Variants in VKORC1L1 observed in about 807,000 individuals in gnomAD.
VKORC1L1 encodes vitamin K epoxide reductase complex subunit 1L1.
VKORC1L1 carries 2 observed loss-of-function variants against 18.9 expected under a neutral mutation model. The observed-to-expected ratio is 0.11, with a 90% confidence interval of 0.04 to 0.33. The LOEUF is 0.33. Among genes scored for constraint, VKORC1L1 ranks in the 10% least tolerant of loss-of-function variants. The pLI, the probability that VKORC1L1 is intolerant of heterozygous loss-of-function variation, is 1.00. For missense variants in VKORC1L1, 123 were observed against 224.1 expected (o/e 0.55, Z 2.88); for synonymous variants, 96 against 100.0 (o/e 0.96, Z 0.24).
intron 1 of VKORC1L1, among the ~76,000 whole-genome samples, chr7:65,892,328 G>T (rs1789122346): frequency 6.6e-6 from 1 of 152,146 alleles, no homozygotes; most frequent in Non-Finnish European, 1.5e-5. Flanking sequence ...TGGATCACAC[G>T]GTAGTTCTAT....
intron 1 of VKORC1L1, among the ~76,000 whole-genome samples, chr7:65,944,103 A>G (rs6965414): frequency 0.014 from 2,172 of 152,140 alleles, 23 homozygotes; most frequent in Non-Finnish European, 0.023. Flanking sequence ...GTGTGGTGGA[A>G]CATGCCTGTG....
intron 1 of VKORC1L1, among the ~76,000 whole-genome samples, chr7:65,904,068 TAAAG>T (rs1165248341): frequency 3.3e-5 from 5 of 152,140 alleles, no homozygotes; most frequent in Non-Finnish European, 5.9e-5. Flanking sequence ...CATTGTGAAT[TAAAG>T]AAATAGTAGC....
chr7:65,920,695 CTT>C (rs1166638297), intron 1 of VKORC1L1, among the ~76,000 whole-genome samples: 2 of 151,890 alleles, frequency 1.3e-5, no homozygotes, highest in Non-Finnish European at 2.9e-5. Flanking sequence ...GTTTTTCTCT[CTT>C]TTAAAAATTA....
At chr7:65,892,585 A>G (rs1380991059) in intron 1 of VKORC1L1, among the ~76,000 whole-genome samples, 4 of 152,164 alleles carry the variant, frequency 2.6e-5, no homozygotes, top group Admixed American at 1.3e-4. Context: ...TGGTGTGAAG[A>G]TAATCTACAT....
At chr7:65,929,682 G>GTGTATA (rs370107880) in intron 1 of VKORC1L1, among the ~76,000 whole-genome samples, 27 of 128,632 alleles carry the variant, frequency 2.1e-4, no homozygotes, top group Non-Finnish European at 3.4e-4. Flanking sequence ...GTGTGTGTGT[G>GTGTATA]TATATATATA....
At chr7:65,870,992 C>T (rs184700943), upstream of VKORC1L1, among the ~76,000 whole-genome samples, 132 of 152,234 alleles carry the variant, frequency 8.7e-4, no homozygotes, top group African/African-American at 2.9e-3. Flanking sequence ...CCCTATGTTG[C>T]TCAGGCTGGT....
chr7:65,901,322 C>T (rs1449278454), intron 1 of VKORC1L1, among the ~76,000 whole-genome samples: 7 of 152,114 alleles, frequency 4.6e-5, no homozygotes, highest in African/African-American at 1.7e-4. Flanking sequence ...TGAGCCAATG[C>T]ACTCCAGCCT....
At chr7:65,869,353 GCA>G (rs755188502), upstream of VKORC1L1, among the ~76,000 whole-genome samples, 26 of 152,144 alleles carry the variant, frequency 1.7e-4, no homozygotes, top group Admixed American at 3.3e-4. Context: ...TGTAAAAAAA[GCA>G]CACGGGATGG....
intron 1 of VKORC1L1, among the ~76,000 whole-genome samples, chr7:65,890,738 C>A (rs571674311): frequency 6.6e-6 from 1 of 152,338 alleles, no homozygotes; most frequent in East Asian, 1.9e-4. Context: ...TCCTGTTTAT[C>A]CACCTCTTTG....
chr7:65,886,888 C>T (rs367567001), intron 1 of VKORC1L1, among the ~76,000 whole-genome samples: 11 of 117,922 alleles, frequency 9.3e-5, no homozygotes, highest in South Asian at 3.0e-4. Flanking sequence ...GTTACTCTGT[C>T]GCCCAAGCTG....
intron 1 of VKORC1L1, among the ~76,000 whole-genome samples, chr7:65,887,389 A>G (rs1458301218): frequency 2.0e-5 from 3 of 152,058 alleles, no homozygotes; most frequent in African/African-American, 7.2e-5. Context: ...ACATTGATCC[A>G]TATTAAATGA....
At position 65,895,698 on chromosome 7, in the gene VKORC1L1, T is replaced by C. The variant is rs576039944; in HGVS notation, c.194+22133T>C. Among the ~76,000 whole-genome samples the C allele has an allele frequency of 2.4e-4, 37 of 151,202 alleles. 1 individual carries two copies. The South Asian group carries it at 6.7e-3, about 27-fold the overall frequency. On this transcript the variant is annotated intron_variant, in intron 1 of 2. Coordinates refer to ENST00000360768, the MANE Select transcript of VKORC1L1 (RefSeq NM_173517.6). ...ATTAGTGCTGTGAAATATTAAAGTG[T>C]ATGTTGAAGCCAAACCAATTTGAGC...
At chr7:65,943,888 G>T (rs1466772834) in intron 1 of VKORC1L1, among the ~76,000 whole-genome samples, 4 of 152,042 alleles carry the variant, frequency 2.6e-5, no homozygotes, top group South Asian at 2.1e-4. Flanking sequence ...CAAGATAATG[G>T]CATATTTATT....
In VKORC1L1 at chr7:65,956,654, A is replaced by G. The variant is rs1428964501; in HGVS notation, c.*2354A>G. On this transcript the variant is annotated 3_prime_UTR_variant, in exon 3 of 3. Transcript: ENST00000360768. ...AACAGCATTGTAATGCCAGTGTCTC[A>G]GTAACAGAATCCTGGTGGGTGTTAA... is the stretch of plus-strand genomic sequence containing the variant. 1 of 152,222 alleles carries G rather than the reference A, an allele frequency of 6.6e-6. No individual in the cohort carries two copies. Among genetic ancestry groups the G allele is most frequent in the Non-Finnish European group, 1.5e-5 (1 of 68,042 alleles). 9.4% of individuals were successfully genotyped at this position (152,222 alleles called of 1,614,324 possible).
chr7:65,895,354 T>C lies in VKORC1L1; in HGVS notation c.194+21789T>C, dbSNP rs1789173312. ...ATTTAGTGAAATAGGCCAGGCACAG[T>C]GGCTCATGCCTATAATCCAGCACTT... On this transcript the variant is annotated intron_variant, in intron 1 of 2. Coordinates refer to ENST00000360768, the MANE Select transcript of VKORC1L1 (RefSeq NM_173517.6). Among the ~76,000 whole-genome samples the C allele has an allele frequency of 1.4e-5, 2 of 147,512 alleles. 1 individual carries two copies. Among genetic ancestry groups the C allele is most frequent in the South Asian group, 4.4e-4 (2 of 4,556 alleles).
At chr7:65,913,354 A>G (rs1447292931) in intron 1 of VKORC1L1, among the ~76,000 whole-genome samples, 3 of 151,814 alleles carry the variant, frequency 2.0e-5, no homozygotes, top group Non-Finnish European at 4.4e-5. Context: ...CCTGCTATTC[A>G]TTGTACTACA....
chr7:65,901,408 A>G (rs980483544), intron 1 of VKORC1L1, among the ~76,000 whole-genome samples: 3 of 152,198 alleles, frequency 2.0e-5, no homozygotes, highest in Non-Finnish European at 2.9e-5. Context: ...TTGATTTGCG[A>G]TATGTATTCT....
chr7:65,926,937 A>G (rs1447845389), intron 1 of VKORC1L1, among the ~76,000 whole-genome samples: 1 of 152,154 alleles, frequency 6.6e-6, no homozygotes, highest in African/African-American at 2.4e-5. Flanking sequence ...TATACTAGAT[A>G]TACTAGACTG....
At chr7:65,891,675 T>C (rs866383657) in intron 1 of VKORC1L1, among the ~76,000 whole-genome samples, 1 of 152,194 alleles carries the variant, frequency 6.6e-6, no homozygotes, top group Non-Finnish European at 1.5e-5. Context: ...TTTTTAATTA[T>C]TATGGATACA....
Sources: allele counts gnomAD v4.1 joint callset (sites outside exome capture counted in the v4.1 genomes callset), GRCh38; gene constraint gnomAD v4.1.1; transcripts MANE v1.5; gene names NCBI Gene and HGNC (gene_info 2026-07-23, HGNC 2026-07-21).